Variants in MRPL55 observed in about 807,000 individuals in gnomAD.
The protein encoded by MRPL55 is large ribosomal subunit protein mL55.
A neutral mutation model predicts 10.6 loss-of-function variants in MRPL55; 7 were observed. The observed-to-expected ratio is 0.66, with a 90% CI of 0.38 to 1.24. MRPL55 has a LOEUF of 1.24. MRPL55 is among the 50% of genes most tolerant of loss of function. The pLI is 0.02. For synonymous variants in MRPL55, 57 were observed against 71.8 expected (o/e 0.79, Z 1.04); for missense variants, 148 against 180.3 (o/e 0.82, Z 1.03).
intron 3 of MRPL55, 22 bp downstream of exon 3, chr1:228,108,213 G>A: frequency 6.2e-7 from 1 of 1,608,786 alleles, no homozygotes; most frequent in East Asian, 2.2e-5. Context: ...TAATCCCCAG[G>A]GACCTAAAAG....
At chr1:228,107,008 C>A in intron 4 of MRPL55, 90 bp from the exon 5 acceptor site, 6 of 963,578 alleles carry the variant, frequency 6.2e-6, no homozygotes, top group Non-Finnish European at 9.5e-6. Context: ...TCTCAACTTA[C>A]GTCTTCCATC....
intron 2 of MRPL55, 96 bp from the exon 3 acceptor site, chr1:228,108,414 C>T: frequency 3.9e-6 from 3 of 776,218 alleles, no homozygotes; most frequent in South Asian, 1.8e-5. Flanking sequence ...TTCCAAGACA[C>T]ATGTAATCAC....
In MRPL55 at chr1:228,109,185, A is replaced by C. The variant is rs1207327965; in HGVS notation, c.-162T>G. 6.6e-6 allele frequency: 1 copy of C among 152,406 alleles called. No individual in the cohort carries two copies. The highest frequency in any genetic ancestry group is 1.5e-5 in the Non-Finnish European group (1 of 68,166). The allele number at this position is 152,406 out of a possible 1,614,324, so 9.4% of individuals were successfully genotyped here. A position where few individuals can be genotyped will look rare whatever the true frequency, so the allele number is the denominator to read the frequency against. On this transcript the variant is annotated 5_prime_UTR_variant, in exon 1 of 5. Transcript: ENST00000336520. Reference sequence around the variant, plus strand: ...ACAGTCGCTGCGGAGGGGTCTGAGGACAGGCGGTCCTGACTCCCGCTGCCC... The same window carrying C: ...ACAGTCGCTGCGGAGGGGTCTGAGGCCAGGCGGTCCTGACTCCCGCTGCCC...
rs143490418 is a variant in MRPL55, at chr1:228,107,737, G to A, written c.159C>T (p.Pro53=). The A allele has an allele frequency of 2.2e-5, 35 of 1,613,258 alleles. No homozygotes were observed. Among genetic ancestry groups the A allele is most frequent in the Admixed American group, 5.0e-5 (3 of 60,028 alleles). Residue 53 remains proline, a synonymous_variant, in exon 4 of 5, where the codon CCC becomes CCT. Transcript: ENST00000336520. ...AGCCATCCTGCTTCACCAGCAGCAC[G>A]GGGTAGAGTCGTGCATAAGCCTGGC... The part of the protein sequence containing the change: ...VHRQAYARLY[P]VLLVKQDGST...
intron 2 of MRPL55, 111 bp from the exon 3 acceptor site, chr1:228,108,429 C>A: frequency 1.4e-6 from 1 of 693,814 alleles, no homozygotes; most frequent in Non-Finnish European, 2.4e-6. Context: ...AATCACCACG[C>A]CACTCACCAA....
chr1:228,106,732 C>G lies in MRPL55; in HGVS notation c.*28G>C. The G allele has an allele frequency of 6.3e-7, 1 of 1,591,040 alleles. No homozygotes were observed. On this transcript the variant is annotated 3_prime_UTR_variant, in exon 5 of 5. Transcript: ENST00000336520. ...TTTAAGAACAGCCCTCCCATCTTAGCAATGTCCCGGGGTGGCTGGAGCCAC... is the reference window on the plus strand; with the variant it reads ...TTTAAGAACAGCCCTCCCATCTTAGGAATGTCCCGGGGTGGCTGGAGCCAC...
chr1:228,107,454 C>G (rs2033257592), intron 4 of MRPL55, among the ~76,000 whole-genome samples: 1 of 152,180 alleles, frequency 6.6e-6, no homozygotes, highest in South Asian at 2.1e-4. Context: ...TAAAAACACA[C>G]TACTGGTTAG....
rs1326083807 is a variant in MRPL55, at chr1:228,107,757, C to T, written c.139G>A (p.Ala47Thr). Residue 47 changes from alanine to threonine, a missense_variant, in exon 4 of 5, where the codon GCT becomes ACT. Ala to Thr is a moderately conservative substitution (Grantham distance 58). Coordinates refer to ENST00000336520, the MANE Select transcript of MRPL55 (RefSeq NM_181463.3). ...RASLTRVHRQAYARLYPVLLV... is the reference protein window; with the variant it reads ...RASLTRVHRQTYARLYPVLLV... ...AGCACGGGGTAGAGTCGTGCATAAG[C>T]CTGGCGGTGCACACGAGTGAGTGAG... 6.2e-7 allele frequency: 1 copy of T among 1,613,180 alleles called. No homozygotes were observed. The highest frequency in any genetic ancestry group is 8.5e-7 in the Non-Finnish European group (1 of 1,180,050).
chr1:228,107,940 C>T (rs1332779317), intron 3 of MRPL55, 71 bp from the exon 4 acceptor site: 1 of 1,586,110 alleles, frequency 6.3e-7, no homozygotes, highest in Non-Finnish European at 8.6e-7. Flanking sequence ...CTGAGGCTGG[C>T]TGTGATTGGG....
chr1:228,108,518 A>T (rs1455997515), intron 2 of MRPL55, 200 bp from the exon 3 acceptor site: 1 of 522,200 alleles, frequency 1.9e-6, no homozygotes. Context: ...ACTACTCCCA[A>T]AGATTCTGAG....
At position 228,106,898 on chromosome 1, in the gene MRPL55, G is replaced by A. The variant is rs1156698371; in HGVS notation, c.249C>T (p.Thr83=). The A allele has an allele frequency of 6.2e-7, 1 of 1,613,470 alleles. No individual in the cohort carries two copies. ...RMLAMPIDLD[T]LSPEERRARL... is the part of the protein sequence containing the mutation. The stretch of plus-strand genomic sequence containing the variant: ...TGGCCCGGCGCTCCTCAGGAGACAG[G>A]GTGTCCAGATCTATGGGCATCTGCA... The change falls in exon 5 of 5, where the codon ACC becomes ACT. Residue 83 remains threonine, a synonymous_variant. Coordinates refer to ENST00000336520, the MANE Select transcript of MRPL55 (RefSeq NM_181463.3).
Position 228,107,653 on chromosome 1 carries a change from G to A in MRPL55, c.228+15C>T, listed in dbSNP as rs1313593750. On this transcript the variant is annotated intron_variant, in intron 4 of 4. Transcript: ENST00000336520. ...CCAGCCCGGCACCTGGAAGCACCTGGAGAGGGAAGCTTACCGCCAGCATGC... is the reference window on the plus strand; with the variant it reads ...CCAGCCCGGCACCTGGAAGCACCTGAAGAGGGAAGCTTACCGCCAGCATGC... 1.2e-6 allele frequency: 2 copies of A among 1,611,952 alleles called. No homozygotes were observed. The highest frequency in any genetic ancestry group is 3.3e-5 in the Admixed American group (2 of 59,998).
At chr1:228,108,012 TC>T (rs2033363656) in intron 3 of MRPL55, 143 bp from the exon 4 acceptor site, 1 of 1,544,508 alleles carries the variant, frequency 6.5e-7, no homozygotes, top group Non-Finnish European at 8.8e-7. Flanking sequence ...AGGATGAGCC[TC>T]GGGGCTTCCT....
Position 228,107,793 on chromosome 1 carries a change from T to C in MRPL55, c.103A>G (p.Ser35Gly), listed in dbSNP as rs779037206. Residue 35 changes from serine to glycine, a missense_variant, in exon 4 of 5, where the codon AGC (serine) becomes GGC (glycine). Ser to Gly is a moderately conservative substitution (Grantham distance 56). Transcript: ENST00000336520. ...RLHTSSWRADSSRASLTRVHR... is the reference protein window; with the variant it reads ...RLHTSSWRADGSRASLTRVHR... ...ACACGAGTGAGTGAGGCCCTGCTGC[T>C]GTCAGCTCGCCAGGAGGATGTGTGC... 4 of 1,613,178 alleles carry C rather than the reference T, an allele frequency of 2.5e-6. No homozygotes were observed. Among genetic ancestry groups the C allele is most frequent in the African/African-American group, 1.3e-5 (1 of 74,946 alleles).
Position 228,107,829 on chromosome 1 carries a change from G to C in MRPL55, c.67C>G (p.Leu23Val), listed in dbSNP as rs763581703. The C allele has an allele frequency of 9.3e-6, 15 of 1,613,194 alleles. No homozygotes were observed. The highest frequency in any genetic ancestry group is 1.2e-5 in the Non-Finnish European group (14 of 1,180,012). ...CAGGAGGATGTGTGCAGGCGGCGGA[G>C]TGCAGGTCCGGTGGCCTTCACGGTG... ...QSTVKATGPA[L>V]RRLHTSSWRA... Residue 23 changes from leucine to valine, a missense_variant, in exon 4 of 5, where the codon CTC becomes GTC. By Grantham distance (32) the Leu-to-Val change is conservative. Coordinates refer to ENST00000336520, the MANE Select transcript of MRPL55 (RefSeq NM_181463.3).
Position 228,108,284 on chromosome 1 carries a change from C to A in MRPL55, c.-24G>T, listed in dbSNP as rs914098344. 3.1e-6 allele frequency: 5 copies of A among 1,609,136 alleles called. No individual in the cohort carries two copies. The Admixed American group carries it at 8.4e-5, about 27-fold the overall frequency. ...ATTCCTCCTTACAGCCCCAGTGGCA[C>A]GTGGAGGTGGTCAGTACAGGCCCTG... On this transcript the variant is annotated 5_prime_UTR_variant, in exon 3 of 5. Transcript: ENST00000336520.
Position 228,107,778 on chromosome 1 carries a change from G to A in MRPL55, c.118C>T (p.Leu40Phe), listed in dbSNP as rs756613514. ...SWRADSSRAS[L>F]TRVHRQAYAR... ...TAAGCCTGGCGGTGCACACGAGTGA[G>A]TGAGGCCCTGCTGCTGTCAGCTCGC... is the stretch of plus-strand genomic sequence containing the variant. Residue 40 changes from leucine (L) to phenylalanine (F), a missense_variant, in exon 4 of 5, where the codon CTC becomes TTC. By Grantham distance (22) the Leu-to-Phe change is conservative. Coordinates refer to ENST00000336520, the MANE Select transcript of MRPL55 (RefSeq NM_181463.3). 2.5e-6 allele frequency: 4 copies of A among 1,613,312 alleles called. No individual in the cohort carries two copies. The highest frequency in any genetic ancestry group is 2.2e-5 in the East Asian group (1 of 44,882).
intron 4 of MRPL55, 149 bp from the exon 5 acceptor site, chr1:228,107,067 G>A: frequency 1.6e-6 from 1 of 609,320 alleles, no homozygotes; most frequent in East Asian, 2.8e-5. Context: ...TCCCTTCAAA[G>A]CTTTCAATCT....
At position 228,106,704 on chromosome 1, in the gene MRPL55, T is replaced by G. The variant is rs1290548252; in HGVS notation, c.*56A>C. 2 of 1,545,344 alleles carry G rather than the reference T, an allele frequency of 1.3e-6. No homozygotes were observed. The highest frequency in any genetic ancestry group is 1.4e-5 in the African/African-American group (1 of 73,468). On this transcript the variant is annotated 3_prime_UTR_variant, in exon 5 of 5. Transcript: ENST00000336520. ...TCCAGGTGGCAGCTTCAAGAACGAG[T>G]GATTTAAGAACAGCCCTCCCATCTT...
Sources: gnomAD v4.1 joint callset for allele counts (sites outside exome capture counted in the v4.1 genomes callset) on GRCh38, gnomAD v4.1.1 for gene constraint, MANE v1.5 for transcripts, NCBI Gene and HGNC (gene_info 2026-07-23, HGNC 2026-07-21) for gene names.